Variants in ZNF121 observed in about 807,000 individuals in gnomAD.
The protein encoded by ZNF121 is zinc finger protein 121.
Under a neutral mutation model 2.4 loss-of-function variants are expected in ZNF121, and 1 was observed. The ratio of observed to expected loss-of-function variants is 0.41; its 90% CI spans 0.15 to 1.94. The LOEUF (loss-of-function observed/expected upper bound fraction) is 1.94, where lower values mean the gene tolerates loss of function less well. Ranked by LOEUF, ZNF121 falls within the 30% of genes most tolerant of loss-of-function variation. ZNF121 has a pLI of 0.30. For synonymous variants in ZNF121, 173 were observed against 158.6 expected (o/e 1.09, Z -0.68); for missense variants, 369 against 466.3 (o/e 0.79, Z 1.92).
rs1312669779 is a variant in ZNF121, at chr19:9,561,440, A to G, written c.*4500T>C. 1 of 152,192 alleles carries G rather than the reference A, an allele frequency of 6.6e-6. No individual in the cohort carries two copies. Among genetic ancestry groups the G allele is most frequent in the Admixed American group, 6.5e-5 (1 of 15,280 alleles). 9.4% of individuals were successfully genotyped at this position (152,192 alleles called of 1,614,324 possible). ...TCCTACTTATTGAATCTGGAAAAAT[A>G]TGTGCATCAAATTTACAGTAGCTAA... On this transcript the variant is annotated 3_prime_UTR_variant, in exon 4 of 4. Transcript: ENST00000320451.
chr19:9,565,878 G>A lies in ZNF121; in HGVS notation c.*62C>T. ...TTCTCTTCAGTGTGAATTCAAATGT[G>A]GTAATTATGGTATGAGAAATTCCTA... is the stretch of plus-strand genomic sequence containing the variant. On this transcript the variant is annotated 3_prime_UTR_variant, in exon 4 of 4. Coordinates refer to ENST00000320451, the MANE Select transcript of ZNF121 (RefSeq NM_001008727.5). 1 of 1,290,134 alleles carries A rather than the reference G, an allele frequency of 7.8e-7. No homozygotes were observed. 79.9% of individuals were successfully genotyped at this position (1,290,134 alleles called of 1,614,324 possible).
chr19:9,570,746 G>T (rs936942467), intron 1 of ZNF121, among the ~76,000 whole-genome samples: 2 of 151,168 alleles, frequency 1.3e-5, no homozygotes, highest in Non-Finnish European at 3.0e-5. Flanking sequence ...TTTTGCGAGG[G>T]GGGGGGGTAT....
intron 1 of ZNF121, among the ~76,000 whole-genome samples, chr19:9,582,142 C>T (rs936294295): frequency 1.3e-5 from 2 of 152,074 alleles, no homozygotes; most frequent in African/African-American, 4.8e-5. Flanking sequence ...CTTGTCTCTA[C>T]TAAAATACAA....
At chr19:9,567,684 T>G (rs1257962599) in intron 3 of ZNF121, 1 of 347,098 alleles carries the variant, frequency 2.9e-6, no homozygotes, top group African/African-American at 2.1e-5. Context: ...GAGCTTGTTT[T>G]CCTGCAACTA....
intron 1 of ZNF121, among the ~76,000 whole-genome samples, chr19:9,576,496 A>G (rs1383546578): frequency 6.6e-6 from 1 of 152,228 alleles, no homozygotes; most frequent in Non-Finnish European, 1.5e-5. Flanking sequence ...GTACTAAGGG[A>G]GTATTTTACA....
At chr19:9,578,699 T>G (rs2074228412) in intron 1 of ZNF121, among the ~76,000 whole-genome samples, 1 of 152,004 alleles carries the variant, frequency 6.6e-6, no homozygotes, top group African/African-American at 2.4e-5. Context: ...CAAAACAGAT[T>G]AAAGACATCT....
At chr19:9,582,817 T>C (rs2074256950) in intron 1 of ZNF121, among the ~76,000 whole-genome samples, 1 of 150,190 alleles carries the variant, frequency 6.7e-6, no homozygotes, top group South Asian at 2.1e-4. Context: ...GGATCAAATT[T>C]TTCAGAAAAA....
chr19:9,576,601 A>C (rs1251377718), intron 1 of ZNF121, among the ~76,000 whole-genome samples: 1 of 152,162 alleles, frequency 6.6e-6, no homozygotes, highest in East Asian at 1.9e-4. Flanking sequence ...CAGACTCACA[A>C]TTAAATCAAA....
At chr19:9,574,837 T>TTTA (rs2074199263) in intron 1 of ZNF121, among the ~76,000 whole-genome samples, 1 of 152,234 alleles carries the variant, frequency 6.6e-6, no homozygotes, top group Non-Finnish European at 1.5e-5. Flanking sequence ...CATTGATTTC[T>TTTA]TTATTACAGC....
intron 1 of ZNF121, among the ~76,000 whole-genome samples, chr19:9,580,074 C>T (rs2074238215): frequency 1.3e-5 from 2 of 151,918 alleles, no homozygotes; most frequent in Non-Finnish European, 2.9e-5. Flanking sequence ...GGGCGGATCA[C>T]GACGTCAGGA....
At chr19:9,571,817 T>C (rs1454907803) in intron 1 of ZNF121, among the ~76,000 whole-genome samples, 1 of 152,152 alleles carries the variant, frequency 6.6e-6, no homozygotes, top group Non-Finnish European at 1.5e-5. Flanking sequence ...GGCATGATCA[T>C]AGCTCACTAC....
intron 1 of ZNF121, among the ~76,000 whole-genome samples, chr19:9,569,838 CTTTT>C (rs752091749): frequency 0.021 from 2,461 of 117,642 alleles, 79 homozygotes; most frequent in African/African-American, 0.069. Context: ...TGGCCGAGAT[CTTTT>C]TTTTTTTTTT....
In ZNF121 at chr19:9,564,116, A is replaced by T. The variant is rs912307881; in HGVS notation, c.*1824T>A. The stretch of plus-strand genomic sequence containing the variant: ...CCACTAATAATGCTTCTTCTGAGGG[A>T]TCTGGATAAATTAAGTTGCAGACCT... On this transcript the variant is annotated 3_prime_UTR_variant, in exon 4 of 4. Coordinates refer to ENST00000320451, the MANE Select transcript of ZNF121 (RefSeq NM_001008727.5). 6.6e-6 allele frequency: 1 copy of T among 152,184 alleles called. No individual in the cohort carries two copies. The highest frequency in any genetic ancestry group is 2.4e-5 in the African/African-American group (1 of 41,456). The allele number at this position is 152,184 out of a possible 1,614,324, so 9.4% of individuals were successfully genotyped here. A position where few individuals can be genotyped will look rare whatever the true frequency, so the allele number is the denominator to read the frequency against.
Position 9,565,386 on chromosome 19 carries a change from A to AAAAAAT in ZNF121, c.*553_*554insATTTTT. 1 of 147,270 alleles carries AAAAAAT rather than the reference A, an allele frequency of 6.8e-6. No individual in the cohort carries two copies. The allele number at this position is 147,270 out of a possible 1,614,324, so 9.1% of individuals were successfully genotyped here. On this transcript the variant is annotated 3_prime_UTR_variant, in exon 4 of 4. Transcript: ENST00000320451. ...AAAAAAAAAAAAAAAAAAAAAAAAA[A>AAAAAAT]AGGCCAGGAGCAGTGGCTCACTCCT...
chr19:9,569,110 G>C (rs1177822973), intron 1 of ZNF121, 28 bp from the exon 2 acceptor site: 2 of 153,116 alleles, frequency 1.3e-5, no homozygotes, highest in African/African-American at 4.8e-5. Context: ...TACATCAATG[G>C]AAGAGGCTTA....
rs1315987371 is a variant in ZNF121, at chr19:9,561,171, G to A, written c.*4769C>T. On this transcript the variant is annotated 3_prime_UTR_variant, in exon 4 of 4. Coordinates refer to ENST00000320451, the MANE Select transcript of ZNF121 (RefSeq NM_001008727.5). ...TGTGTGGATACGTATATATAATTTT[G>A]TATGTCTTTGCCATATCCTCCATAG... The A allele has an allele frequency of 2.6e-5, 4 of 152,212 alleles. No individual in the cohort carries two copies. The East Asian group carries it at 7.7e-4, about 29-fold the overall frequency. 9.4% of individuals were successfully genotyped at this position (152,212 alleles called of 1,614,324 possible). A position where few individuals can be genotyped will look rare whatever the true frequency, so the allele number is the denominator to read the frequency against.
intron 1 of ZNF121, among the ~76,000 whole-genome samples, chr19:9,571,428 G>C (rs1362583847): frequency 6.6e-6 from 1 of 152,022 alleles, no homozygotes; most frequent in Non-Finnish European, 1.5e-5. Context: ...ATGAACTTAG[G>C]TGATCACTCC....
chr19:9,581,881 T>C (rs8102702), intron 1 of ZNF121, among the ~76,000 whole-genome samples: 26,349 of 152,232 alleles, frequency 0.17, 3,620 homozygotes, highest in African/African-American at 0.38. Context: ...ATGACAGTGC[T>C]ATTTTTTTAG....
chr19:9,583,169 A>T (rs1261561154), intron 1 of ZNF121, among the ~76,000 whole-genome samples: 5 of 149,684 alleles, frequency 3.3e-5, no homozygotes, highest in Non-Finnish European at 1.5e-5. Flanking sequence ...GTGAGCTGAG[A>T]TCGCGCCACT....
Sources: gnomAD v4.1 joint callset for allele counts (sites outside exome capture counted in the v4.1 genomes callset) on GRCh38, gnomAD v4.1.1 for gene constraint, MANE v1.5 for transcripts, NCBI Gene and HGNC (gene_info 2026-07-23, HGNC 2026-07-21) for gene names.